LINGO2: variants seen among roughly 807,000 people sequenced by gnomAD.
LINGO2 encodes the protein leucine rich repeat and Ig domain containing 2, also known as leucine-rich repeat and immunoglobulin-like domain-containing nogo receptor-interacting protein 2.
Under a neutral mutation model 30.6 loss-of-function variants are expected in LINGO2, and 14 were observed. The ratio of observed to expected loss-of-function variants is 0.46; its 90% CI spans 0.30 to 0.72. The LOEUF is 0.72. LINGO2 is among the 30% of genes least tolerant of loss of function. The pLI, the probability that LINGO2 is intolerant of heterozygous loss-of-function variation, is 0.07. For missense variants in LINGO2, 729 were observed against 751.7 expected (o/e 0.97, Z 0.35); for synonymous variants, 317 against 288.5 (o/e 1.10, Z -1.00).
At chr9:29,083,126 A>C in the LINGO2 span, among the ~76,000 whole-genome samples, 1 of 152,188 alleles carries the variant, frequency 6.6e-6, no homozygotes, top group Non-Finnish European at 1.5e-5. Flanking sequence ...ATAAAGACAC[A>C]TGCACACGTA....
At chr9:27,957,481 ACAGGGTTTCAACATGTTGGC>A (rs1399929024) in intron 5 of LINGO2, among the ~76,000 whole-genome samples, 1 of 152,066 alleles carries the variant, frequency 6.6e-6, no homozygotes, top group Non-Finnish European at 1.5e-5. Context: ...TTTAGTAGAG[ACAGGGTTTCAACATGTTGGC>A]CAGGATGATC....
rs575290810 is a variant in LINGO2, at chr9:28,513,954, A to G, written c.-364-37929T>C. ...GCAAGTCTATCAGCACCATTTTTCC[A>G]ACAGCATGTGCTCACTTCCTGTCTC... is the stretch of plus-strand genomic sequence containing the variant. On this transcript the variant is annotated intron_variant, in intron 1 of 5. Transcript: ENST00000379992. Among the ~76,000 whole-genome samples, 4 of 152,336 alleles carry G rather than the reference A, an allele frequency of 2.6e-5. No individual in the cohort carries two copies. In the East Asian group the frequency reaches 7.7e-4, roughly 29 times the overall value.
Position 28,068,893 on chromosome 9 carries a change from G to A in LINGO2, c.-86-56488C>T, listed in dbSNP as rs139445639. Among the ~76,000 whole-genome samples, 831 of 152,188 alleles carry A rather than the reference G, an allele frequency of 5.5e-3. 14 individuals are homozygous for A. Among genetic ancestry groups the A allele is most frequent in the African/African-American group, 0.019 (791 of 41,540 alleles). On this transcript the variant is annotated intron_variant, in intron 4 of 5. Transcript: ENST00000379992. ...AATTTTGACAGAGAGTATACCATGTGCTTACTATAATCACTGCAGATACAG... is the reference window on the plus strand; with the variant it reads ...AATTTTGACAGAGAGTATACCATGTACTTACTATAATCACTGCAGATACAG...
intron 4 of LINGO2, among the ~76,000 whole-genome samples, chr9:28,170,808 G>A (rs2133653794): frequency 6.6e-6 from 1 of 152,202 alleles, no homozygotes; most frequent in South Asian, 2.1e-4. Context: ...TGATTCTTCT[G>A]CCTCTCTCTT....
intron 4 of LINGO2, among the ~76,000 whole-genome samples, chr9:28,165,053 A>G (rs932220005): frequency 2.6e-5 from 4 of 152,214 alleles, no homozygotes; most frequent in African/African-American, 7.2e-5. Context: ...CAATACCTAC[A>G]TTAGACTGTT....
intron 4 of LINGO2, among the ~76,000 whole-genome samples, chr9:28,053,786 C>T (rs1425388111): frequency 3.9e-5 from 6 of 152,034 alleles, no homozygotes; most frequent in African/African-American, 1.4e-4. Context: ...GGAAAGAACC[C>T]AATGTATTTT....
the LINGO2 span, among the ~76,000 whole-genome samples, chr9:29,016,194 T>C: frequency 6.6e-6 from 1 of 152,200 alleles, no homozygotes; most frequent in African/African-American, 2.4e-5. Context: ...TACCTTCTTT[T>C]CAGTGTTTGA....
chr9:28,364,376 G>A lies in LINGO2; in HGVS notation c.-246+8460C>T, dbSNP rs552891820. Among the ~76,000 whole-genome samples, 6 of 151,054 alleles carry A rather than the reference G, an allele frequency of 4.0e-5. No individual in the cohort carries two copies. The South Asian group carries it at 6.2e-4, about 16-fold the overall frequency. ...TTTTCTCTATGTTGTTTTCTAACAC[G>A]GATACAAGGTAAGATGAACACCACA... On this transcript the variant is annotated intron_variant, in intron 3 of 5. Transcript: ENST00000379992.
At chr9:28,269,304 G>C (rs1389229759) in intron 4 of LINGO2, among the ~76,000 whole-genome samples, 1 of 151,992 alleles carries the variant, frequency 6.6e-6, no homozygotes, top group Non-Finnish European at 1.5e-5. Context: ...GTACAAAATA[G>C]GTCTTCAATA....
At chr9:29,185,913 A>G in the LINGO2 span, among the ~76,000 whole-genome samples, 1 of 152,220 alleles carries the variant, frequency 6.6e-6, no homozygotes, top group African/African-American at 2.4e-5. Context: ...CCACTAGATT[A>G]TGTGGAAGTC....
chr9:29,006,286 T>C, the LINGO2 span, among the ~76,000 whole-genome samples: 6 of 151,980 alleles, frequency 3.9e-5, no homozygotes, highest in Non-Finnish European at 5.9e-5. Context: ...TTCTTGCCTT[T>C]AGGACAAAAA....
At chr9:28,749,244 CT>C in the LINGO2 span, among the ~76,000 whole-genome samples, 2 of 151,958 alleles carry the variant, frequency 1.3e-5, no homozygotes, top group African/African-American at 4.8e-5. Flanking sequence ...TAGCAAAGCC[CT>C]CTCCTCTGGA....
At chr9:28,904,147 C>A in the LINGO2 span, among the ~76,000 whole-genome samples, 1 of 139,944 alleles carries the variant, frequency 7.1e-6, no homozygotes, top group Non-Finnish European at 1.5e-5. Flanking sequence ...AAGCTTTTGA[C>A]AAAATTCAGG....
At chr9:28,946,890 T>C in the LINGO2 span, among the ~76,000 whole-genome samples, 2 of 151,954 alleles carry the variant, frequency 1.3e-5, no homozygotes, top group African/African-American at 2.4e-5. Flanking sequence ...ACAGAGTACA[T>C]ATGTGGTTCA....
chr9:28,539,797 C>A (rs958555855), intron 1 of LINGO2, among the ~76,000 whole-genome samples: 1 of 152,176 alleles, frequency 6.6e-6, no homozygotes, highest in Non-Finnish European at 1.5e-5. Context: ...GATCATGTTG[C>A]TGTCTCCTCC....
intron 1 of LINGO2, among the ~76,000 whole-genome samples, chr9:28,586,892 C>T (rs1466541088): frequency 6.6e-6 from 1 of 151,932 alleles, no homozygotes; most frequent in Non-Finnish European, 1.5e-5. Context: ...AAAAAAACTA[C>T]ACAAAATGCC....
At chr9:29,024,755 A>G in the LINGO2 span, among the ~76,000 whole-genome samples, 1 of 152,194 alleles carries the variant, frequency 6.6e-6, no homozygotes, top group East Asian at 1.9e-4. Context: ...ATACATGGTG[A>G]CATTGTGATA....
intron 3 of LINGO2, among the ~76,000 whole-genome samples, chr9:28,356,009 A>T (rs1820195007): frequency 6.6e-6 from 1 of 152,190 alleles, no homozygotes; most frequent in South Asian, 2.1e-4. Context: ...TACAGCATTT[A>T]GTTAGATATT....
At chr9:28,840,655 G>C in the LINGO2 span, among the ~76,000 whole-genome samples, 3 of 151,836 alleles carry the variant, frequency 2.0e-5, no homozygotes, top group African/African-American at 7.3e-5. Context: ...TTGACACTGA[G>C]AGAAAAATAA....
Sources: gnomAD v4.1 joint callset for allele counts (sites outside exome capture counted in the v4.1 genomes callset) on GRCh38, gnomAD v4.1.1 for gene constraint, MANE v1.5 for transcripts, NCBI Gene and HGNC (gene_info 2026-07-23, HGNC 2026-07-21) for gene names.